The following GSE1 variants were observed in gnomAD, a reference collection of about 807,000 sequenced individuals.
GSE1 encodes the protein Gse1 coiled-coil protein.
GSE1 carries 32 observed loss-of-function variants against 112.6 expected under a neutral mutation model. The observed-to-expected ratio is 0.28, with a 90% CI of 0.21 to 0.38. GSE1 has a LOEUF of 0.38. GSE1 is among the 10% of genes least tolerant of loss of function. GSE1 has a pLI of 1.00. For synonymous variants in GSE1, 1,115 were observed against 735.6 expected (o/e 1.52, Z -8.35); for missense variants, 2,348 against 1,699.2 (o/e 1.38, Z -6.71).
chr16:85,617,719 C>G (rs904491555), intron 1 of GSE1, among the ~76,000 whole-genome samples: 44 of 151,796 alleles, frequency 2.9e-4, no homozygotes, highest in African/African-American at 1.0e-3. Flanking sequence ...GCTTGGCCCC[C>G]CTAATCCAGA....
intron 2 of GSE1, among the ~76,000 whole-genome samples, chr16:85,445,414 T>A (rs535307836): frequency 1.4e-4 from 22 of 152,134 alleles, no homozygotes; most frequent in African/African-American, 4.6e-4. Flanking sequence ...GCCCTCAGAG[T>A]GCTCGCTGGC....
rs13333040 is a variant in GSE1 at position 85,525,057 on chromosome 16, G to A, written c.2465-108857G>A. Among the ~76,000 whole-genome samples, 419 of 152,248 alleles carry A rather than the reference G, an allele frequency of 2.8e-3. 1 individual carries two copies. Among genetic ancestry groups the A allele is most frequent in the African/African-American group, 9.8e-3 (406 of 41,560 alleles). ...GCTGCCCGCAGCCTCTGCTGCAATCGGCCCTCGTGGTTGCGTCACCACGTC... is the reference window on the plus strand; with the variant it reads ...GCTGCCCGCAGCCTCTGCTGCAATCAGCCCTCGTGGTTGCGTCACCACGTC... On this transcript the variant is annotated intron_variant, in intron 2 of 2. Coordinates refer to the GSE1 transcript ENST00000637419.
intron 1 of GSE1, among the ~76,000 whole-genome samples, chr16:85,335,949 T>C (rs1340592745): frequency 6.6e-6 from 1 of 152,124 alleles, no homozygotes; most frequent in East Asian, 1.9e-4. Context: ...TGAGTGGACT[T>C]CCAGCAGCTG....
In GSE1 at chr16:85,373,521, T is replaced by A. The variant is rs573084105; in HGVS notation, c.2464+15878T>A. On this transcript the variant is annotated intron_variant, in intron 2 of 2. Transcript: ENST00000637419. The surrounding 1 kb of genome is among the most constrained non-coding windows in gnomAD (Gnocchi z 5.1). ...AAGTAGGGATGCTGTGGCAGCTGCC[T>A]CCCGGGGCCCCTGGGAGAATGGGCT... Among the ~76,000 whole-genome samples the A allele has an allele frequency of 3.5e-4, 54 of 152,194 alleles. No individual in the cohort carries two copies. Among genetic ancestry groups the A allele is most frequent in the Non-Finnish European group, 2.9e-5 (2 of 67,982 alleles).
intron 1 of GSE1, among the ~76,000 whole-genome samples, chr16:85,290,255 CCTG>C (rs531508661): frequency 1.3e-3 from 193 of 152,348 alleles, no homozygotes; most frequent in African/African-American, 4.4e-3. Context: ...ACAGGCCTGC[CCTG>C]CCTCAGCAGA....
At chr16:85,584,437 G>T (rs1445528405) in intron 1 of GSE1, among the ~76,000 whole-genome samples, 1 of 152,196 alleles carries the variant, frequency 6.6e-6, no homozygotes, top group South Asian at 2.1e-4. Flanking sequence ...TGCCGTGTTT[G>T]TTTCAGTAAT....
chr16:85,544,551 C>T (rs967340256), intron 2 of GSE1, among the ~76,000 whole-genome samples: 1 of 152,224 alleles, frequency 6.6e-6, no homozygotes, highest in East Asian at 1.9e-4. Flanking sequence ...GGGCATCCCA[C>T]TCTGGTCTGT....
At chr16:85,242,412 T>G (rs1233197539) in intron 1 of GSE1, among the ~76,000 whole-genome samples, 1 of 152,236 alleles carries the variant, frequency 6.6e-6, no homozygotes, top group Non-Finnish European at 1.5e-5. Flanking sequence ...CAGGACCACG[T>G]GGAGCCAAGC....
intron 1 of GSE1, among the ~76,000 whole-genome samples, chr16:85,564,215 C>T (rs1299784233): frequency 6.6e-6 from 1 of 152,178 alleles, no homozygotes; most frequent in Non-Finnish European, 1.5e-5. Context: ...TAAAAGCAGG[C>T]TTTGGAAGTA....
chr16:85,348,988 C>A (rs907705200), intron 1 of GSE1, among the ~76,000 whole-genome samples: 1 of 152,088 alleles, frequency 6.6e-6, no homozygotes, highest in African/African-American at 2.4e-5. Context: ...GCCGGGAGCG[C>A]TGCAGCCGGA....
upstream of GSE1, among the ~76,000 whole-genome samples, chr16:85,554,392 G>A (rs1327769537): frequency 2.6e-5 from 4 of 152,108 alleles, no homozygotes; most frequent in African/African-American, 9.7e-5. Flanking sequence ...CAAATTAGCC[G>A]GGGCTTTCGT....
intron 1 of GSE1, among the ~76,000 whole-genome samples, chr16:85,577,309 C>T (rs7188764): frequency 0.031 from 4,744 of 152,308 alleles, 210 homozygotes; most frequent in Admixed American, 0.13. Flanking sequence ...AGGGAGGACG[C>T]GGTCCTCTCA....
At chr16:85,654,660 G>A (rs568535617) in intron 4 of GSE1, 134 bp from the exon 5 acceptor site, 117 of 732,830 alleles carry the variant, frequency 1.6e-4, no homozygotes, top group African/African-American at 5.2e-4. Flanking sequence ...CTTAAGCCCC[G>A]TCCTCGTTCG....
chr16:85,560,942 A>G (rs970266662), intron 1 of GSE1, among the ~76,000 whole-genome samples: 3 of 152,260 alleles, frequency 2.0e-5, no homozygotes, highest in Non-Finnish European at 2.9e-5. Flanking sequence ...CAGCCTGGGC[A>G]ACATGGTAAG....
chr16:85,252,364 T>C (rs879834645), intron 1 of GSE1, among the ~76,000 whole-genome samples: 1 of 152,154 alleles, frequency 6.6e-6, no homozygotes, highest in Non-Finnish European at 1.5e-5. Context: ...AGTTCTGGAA[T>C]CTTCCTCCCT....
At chr16:85,488,032 C>T (rs1489817238) in intron 2 of GSE1, among the ~76,000 whole-genome samples, 1 of 152,150 alleles carries the variant, frequency 6.6e-6, no homozygotes, top group African/African-American at 2.4e-5. Flanking sequence ...CCTAGCAGGA[C>T]CAGACAAGGG....
chr16:85,398,284 G>A (rs1396799195), intron 2 of GSE1, among the ~76,000 whole-genome samples: 2 of 152,158 alleles, frequency 1.3e-5, no homozygotes, highest in African/African-American at 2.4e-5. Context: ...TTAACATGTC[G>A]TGATTTGCAG....
At chr16:85,457,036 A>T (rs1161956363) in intron 2 of GSE1, among the ~76,000 whole-genome samples, 1 of 152,180 alleles carries the variant, frequency 6.6e-6, no homozygotes, top group Admixed American at 6.5e-5. Flanking sequence ...CTTCTGATAA[A>T]TGAACCTCAG....
chr16:85,624,591 G>T (rs1322305879), intron 1 of GSE1, among the ~76,000 whole-genome samples: 1 of 152,232 alleles, frequency 6.6e-6, no homozygotes, highest in Non-Finnish European at 1.5e-5. Flanking sequence ...CACATTAAAG[G>T]GAAGCAGCCG....
Sources: gnomAD v4.1 joint callset for allele counts (sites outside exome capture counted in the v4.1 genomes callset) on GRCh38, gnomAD v4.1.1 for gene constraint, Gnocchi (gnomAD v3.1) non-coding constraint, MANE v1.5 for transcripts, NCBI Gene and HGNC (gene_info 2026-07-23, HGNC 2026-07-21) for gene names.